Variants in AXL observed in about 807,000 individuals in gnomAD.
AXL encodes AXL receptor tyrosine kinase.
Under a neutral mutation model 104.5 loss-of-function variants are expected in AXL, and 52 were observed. That is an observed-to-expected ratio of 0.50 (90% CI 0.40 to 0.63). AXL has a LOEUF of 0.63. Ranked by LOEUF, AXL falls within the 20% of genes least tolerant of loss-of-function variation. AXL has a pLI of 0.00. For synonymous variants in AXL, 455 were observed against 473.7 expected (o/e 0.96, Z 0.51); for missense variants, 1,024 against 1,188.5 (o/e 0.86, Z 2.04).
chr19:41,222,175 T>C (rs1482023373), intron 4 of AXL, 119 bp downstream of exon 4: 3 of 1,143,070 alleles, frequency 2.6e-6, no homozygotes, highest in Non-Finnish European at 3.6e-6. Flanking sequence ...CCTCACTGTC[T>C]GTCTCTCTCG....
At position 41,239,739 on chromosome 19, in the gene AXL, C is replaced by T; in HGVS notation, c.1312+19C>T. 6.2e-7 allele frequency: 1 copy of T among 1,614,058 alleles called. No homozygotes were observed. The highest frequency in any genetic ancestry group is 1.1e-5 in the South Asian group (1 of 91,080). On this transcript the variant is annotated intron_variant, in intron 10 of 19. Coordinates refer to ENST00000301178, the MANE Select transcript of AXL (RefSeq NM_021913.5). ...CAGCTGGGTAAGGGCTTCCACACCC[C>T]ATCTCCTCCTTCCCTACCCTCAACA...
intron 19 of AXL, 107 bp from the exon 20 acceptor site, chr19:41,259,446 C>T: frequency 1.0e-6 from 1 of 962,134 alleles, no homozygotes; most frequent in Non-Finnish European, 1.5e-6. Flanking sequence ...CTATAACCCT[C>T]TAAAATGCCC....
intron 6 of AXL, among the ~76,000 whole-genome samples, chr19:41,235,080 C>T (rs1177060585): frequency 6.6e-6 from 1 of 152,122 alleles, no homozygotes; most frequent in Non-Finnish European, 1.5e-5. Flanking sequence ...AGGCCGGGCA[C>T]GGTGGCTCGT....
At chr19:41,247,010 T>TCAA (rs3082707) in intron 12 of AXL, among the ~76,000 whole-genome samples, 55,338 of 151,890 alleles carry the variant, frequency 0.36, 10,903 homozygotes, top group African/African-American at 0.52. Context: ...ACAATTACAC[T>TCAA]CAACAACTAA....
intron 12 of AXL, among the ~76,000 whole-genome samples, chr19:41,247,374 G>A (rs894414218): frequency 3.9e-5 from 6 of 152,108 alleles, no homozygotes; most frequent in African/African-American, 9.7e-5. Context: ...TTAGCTGGGC[G>A]TAGTGGCACA....
intron 18 of AXL, 107 bp downstream of exon 18, chr19:41,256,718 C>T (rs1341630548): frequency 2.7e-6 from 4 of 1,457,184 alleles, no homozygotes; most frequent in Non-Finnish European, 3.8e-6. Context: ...GACATGTGGG[C>T]TTCCCTTTGC....
intron 12 of AXL, among the ~76,000 whole-genome samples, 185 bp from the exon 13 acceptor site, chr19:41,248,329 A>G (rs957577411): frequency 3.3e-5 from 5 of 152,230 alleles, no homozygotes; most frequent in Non-Finnish European, 7.3e-5. Flanking sequence ...CTTTGAGGGA[A>G]GGTTCAGGGG....
chr19:41,257,992 C>T (rs986901267), intron 19 of AXL, among the ~76,000 whole-genome samples: 2 of 152,226 alleles, frequency 1.3e-5, no homozygotes, highest in Admixed American at 1.3e-4. Flanking sequence ...CCATGCTTCC[C>T]CGACATGCTC....
intron 18 of AXL, among the ~76,000 whole-genome samples, 169 bp downstream of exon 18, chr19:41,256,780 T>C (rs2034459363): frequency 1.3e-5 from 2 of 148,970 alleles, no homozygotes; most frequent in African/African-American, 4.9e-5. Flanking sequence ...TGGGCATCTC[T>C]GAATAGTGGT....
At chr19:41,227,352 A>G (rs894285143) in intron 4 of AXL, among the ~76,000 whole-genome samples, 1 of 152,130 alleles carries the variant, frequency 6.6e-6, no homozygotes, top group African/African-American at 2.4e-5. Context: ...TATAGATCTT[A>G]GCAACCTCAG....
intron 6 of AXL, 105 bp from the exon 7 acceptor site, chr19:41,237,839 C>T: frequency 9.2e-7 from 1 of 1,089,556 alleles, no homozygotes; most frequent in Non-Finnish European, 1.4e-6. Context: ...CACACGCACC[C>T]TTGAAAAGTT....
chr19:41,243,830 C>A, intron 12 of AXL, 123 bp downstream of exon 12: 1 of 725,188 alleles, frequency 1.4e-6, no homozygotes, highest in Non-Finnish European at 2.5e-6. Flanking sequence ...ACTAGAATGT[C>A]AGAACCACAG....
chr19:41,224,729 G>C (rs2033848171), intron 4 of AXL, among the ~76,000 whole-genome samples: 1 of 152,072 alleles, frequency 6.6e-6, no homozygotes, highest in African/African-American at 2.4e-5. Context: ...AGATGTCTCT[G>C]TGGCGTGTGT....
intron 4 of AXL, among the ~76,000 whole-genome samples, chr19:41,225,206 T>G (rs997648735): frequency 4.6e-5 from 7 of 152,204 alleles, no homozygotes; most frequent in Admixed American, 2.0e-4. Context: ...AGGTTTGTCA[T>G]GTTGGCCAGG....
At position 41,252,870 on chromosome 19, in the gene AXL, G is replaced by A. The variant is rs374737642; in HGVS notation, c.1829G>A (p.Arg610Gln). 8.7e-6 allele frequency: 14 copies of A among 1,614,002 alleles called. No individual in the cohort carries two copies. In the Admixed American group the frequency reaches 1.5e-4, roughly 17 times the overall value. The change falls in exon 16 of 20, where the codon CGA becomes CAA. Residue 610 changes from arginine (R) to glutamine (Q), a missense_variant. This residue lies in a region of AXL where 523 missense variants were observed against 636.0 expected (regional missense o/e 0.82). Transcript: ENST00000301178. ...GGTGTCTGTTTCCAGGGTTCTGAAC[G>A]AGAGAGCTTCCCAGCACCTGTGGTC... is the stretch of plus-strand genomic sequence containing the variant. ...LIGVCFQGSE[R>Q]ESFPAPVVIL...
chr19:41,221,914 G>T lies in AXL; in HGVS notation c.444G>T (p.Arg148Ser), dbSNP rs61737384. The stretch of plus-strand genomic sequence containing the variant: ...ACTTCCTGGAGGAGCCCGAAGACAG[G>T]ACTGTGGCCGCCAACACCCCCTTCA... ...LPYFLEEPED[R>S]TVAANTPFNL... is the part of the protein sequence containing the mutation. The change falls in exon 4 of 20, where the codon AGG becomes AGT. Residue 148 changes from arginine to serine, a missense_variant. Arg to Ser is a moderately radical substitution (Grantham distance 110). Around this residue, in one of 5 missense-constraint regions of AXL, gnomAD observed 332 missense variants for 343.9 expected, o/e 0.97. Transcript: ENST00000301178. The T allele has an allele frequency of 6.2e-7, 1 of 1,613,792 alleles. No individual in the cohort carries two copies. Among genetic ancestry groups the T allele is most frequent in the Admixed American group, 1.7e-5 (1 of 59,984 alleles).
chr19:41,225,121 A>G (rs926275631), intron 4 of AXL, among the ~76,000 whole-genome samples: 1 of 152,152 alleles, frequency 6.6e-6, no homozygotes, highest in African/African-American at 2.4e-5. Flanking sequence ...CTCCTGCCTC[A>G]GCCTCCTGAG....
rs773715411 is a variant in AXL at position 41,252,450 on chromosome 19, G to T, written c.1804+7G>T. The T allele has an allele frequency of 1.1e-5, 17 of 1,613,764 alleles. No homozygotes were observed. In the East Asian group the frequency reaches 1.1e-4, roughly 11 times the overall value. The stretch of plus-strand genomic sequence containing the variant: ...AACGTCATGAGGCTCATCGGTGAGA[G>T]AGGGGCAGATTCAAGGGGTCTACAA... On this transcript the variant is annotated splice_region_variant and intron_variant, in intron 15 of 19. Transcript: ENST00000301178.
At chr19:41,256,039 C>T (rs908692836) in intron 17 of AXL, among the ~76,000 whole-genome samples, 1 of 151,966 alleles carries the variant, frequency 6.6e-6, no homozygotes, top group Non-Finnish European at 1.5e-5. Flanking sequence ...GCCACCATGC[C>T]CAGCCATGTT....
Sources: allele counts gnomAD v4.1 joint callset (sites outside exome capture counted in the v4.1 genomes callset), GRCh38; gene constraint gnomAD v4.1.1; regional missense constraint gnomAD v4.1.1; transcripts MANE v1.5; gene names NCBI Gene and HGNC (gene_info 2026-07-23, HGNC 2026-07-21).